Variants in SNX13 observed in about 807,000 individuals in gnomAD.
The protein encoded by SNX13 is sorting nexin 13, also known as sorting nexin-13.
Under a neutral mutation model 133.6 loss-of-function variants are expected in SNX13, and 45 were observed. The observed-to-expected ratio is 0.34, with a 90% CI of 0.27 to 0.43. SNX13 has a LOEUF of 0.43. Ranked by LOEUF, SNX13 falls within the 20% of genes least tolerant of loss-of-function variation. The probability of loss-of-function intolerance (pLI) is 1.00; values close to 1 mark genes in which losing one functional copy is unlikely to be tolerated. For missense variants in SNX13, 1,032 were observed against 1,145.1 expected (o/e 0.90, Z 1.43); for synonymous variants, 414 against 373.9 (o/e 1.11, Z -1.24).
At chr7:17,874,287 C>CA (rs200750838) in intron 7 of SNX13, among the ~76,000 whole-genome samples, 2,274 of 151,902 alleles carry the variant, frequency 0.015, 59 homozygotes, top group African/African-American at 0.053. Context: ...CTAGAAATAT[C>CA]AAAAAAATTC....
intron 8 of SNX13, among the ~76,000 whole-genome samples, chr7:17,869,993 A>C (rs1390400993): frequency 6.6e-6 from 1 of 152,138 alleles, no homozygotes; most frequent in Middle Eastern, 3.2e-3. Flanking sequence ...TGGTGCAATG[A>C]GTCGATTTGT....
intron 21 of SNX13, among the ~76,000 whole-genome samples, chr7:17,801,865 T>G (rs1189177081): frequency 1.3e-5 from 2 of 152,018 alleles, no homozygotes; most frequent in Admixed American, 6.6e-5. Flanking sequence ...ACAAAATAAA[T>G]GACTTTTGAG....
At chr7:17,936,507 C>T (rs1211339475) in intron 1 of SNX13, among the ~76,000 whole-genome samples, 1 of 152,146 alleles carries the variant, frequency 6.6e-6, no homozygotes, top group Non-Finnish European at 1.5e-5. Context: ...TTTTTTAAAA[C>T]ACAGGACAAG....
intron 1 of SNX13, among the ~76,000 whole-genome samples, chr7:17,935,123 T>C (rs1056096116): frequency 2.0e-5 from 3 of 152,098 alleles, no homozygotes; most frequent in African/African-American, 7.2e-5. Context: ...TCAACCTAAG[T>C]GTCCATCAAT....
intron 7 of SNX13, among the ~76,000 whole-genome samples, chr7:17,874,344 CTA>C (rs1225101838): frequency 6.6e-6 from 1 of 152,078 alleles, no homozygotes; most frequent in Non-Finnish European, 1.5e-5. Context: ...AGATACTAGT[CTA>C]TGTGTTAATC....
At chr7:17,858,818 G>C (rs1371605637) in intron 9 of SNX13, among the ~76,000 whole-genome samples, 2 of 152,010 alleles carry the variant, frequency 1.3e-5, no homozygotes, top group African/African-American at 2.4e-5. Flanking sequence ...AAACATATTA[G>C]AGCAAACTGA....
intron 2 of SNX13, among the ~76,000 whole-genome samples, chr7:17,897,031 A>G (rs1400579856): frequency 2.0e-5 from 3 of 152,266 alleles, no homozygotes; most frequent in African/African-American, 7.2e-5. Context: ...TTTCAACTTT[A>G]AAGGAGAAAC....
At chr7:17,814,173 GC>G (rs1562684799) in intron 20 of SNX13, among the ~76,000 whole-genome samples, 3 of 152,146 alleles carry the variant, frequency 2.0e-5, no homozygotes, top group East Asian at 1.9e-4. Context: ...ACAGAATATT[GC>G]ATGATTCACA....
intron 22 of SNX13, among the ~76,000 whole-genome samples, chr7:17,801,311 G>C (rs1326727689): frequency 4.0e-5 from 6 of 151,560 alleles, no homozygotes; most frequent in Non-Finnish European, 4.4e-5. Flanking sequence ...TATATACAAA[G>C]TATAAAAGCA....
At chr7:17,829,070 C>T (rs1294191828) in intron 16 of SNX13, among the ~76,000 whole-genome samples, 1 of 151,486 alleles carries the variant, frequency 6.6e-6, no homozygotes, top group East Asian at 1.9e-4. Context: ...CACAGATTTG[C>T]TTTAGTGTTT....
At chr7:17,839,358 T>C (rs1789587738) in intron 13 of SNX13, among the ~76,000 whole-genome samples, 1 of 151,764 alleles carries the variant, frequency 6.6e-6, no homozygotes, top group African/African-American at 2.4e-5. Flanking sequence ...TATTGAAGTC[T>C]CCAACTATAA....
At chr7:17,904,640 A>C (rs2128008934) in intron 1 of SNX13, among the ~76,000 whole-genome samples, 1 of 152,268 alleles carries the variant, frequency 6.6e-6, no homozygotes, top group East Asian at 1.9e-4. Context: ...ACTTATATTC[A>C]CCTGGTATAT....
At position 17,801,022 on chromosome 7, in the gene SNX13, A is replaced by T. The variant is rs1175460472; in HGVS notation, c.2298+566T>A. 9.3e-3 allele frequency among the ~76,000 whole-genome samples: 131 copies of T among 14,100 alleles called. 1 individual carries two copies. The highest frequency in any genetic ancestry group is 0.022 in the African/African-American group (122 of 5,454). The allele number at this position is 14,100 out of a possible 152,430, so 9.3% of individuals were successfully genotyped here. A position where few individuals can be genotyped will look rare whatever the true frequency, so the allele number is the denominator to read the frequency against. The stretch of plus-strand genomic sequence containing the variant: ...ACTAAAACTGAACATATATATATAT[A>T]TATATATATATATATATATATATAT... On this transcript the variant is annotated intron_variant, in intron 22 of 25. Coordinates refer to ENST00000428135, the MANE Select transcript of SNX13 (RefSeq NM_015132.5).
At chr7:17,934,297 A>G (rs530164535) in intron 1 of SNX13, among the ~76,000 whole-genome samples, 1 of 152,310 alleles carries the variant, frequency 6.6e-6, no homozygotes, top group African/African-American at 2.4e-5. Flanking sequence ...TGAAACCACA[A>G]AATTTCAAAG....
chr7:17,923,033 A>G (rs888579132), intron 1 of SNX13, among the ~76,000 whole-genome samples: 2 of 152,242 alleles, frequency 1.3e-5, no homozygotes, highest in Non-Finnish European at 2.9e-5. Context: ...GATAGCACAT[A>G]CCACTTTTCT....
chr7:17,919,513 T>C (rs375769265), intron 1 of SNX13, among the ~76,000 whole-genome samples: 4 of 152,190 alleles, frequency 2.6e-5, no homozygotes, highest in Non-Finnish European at 4.4e-5. Flanking sequence ...TCACCTACCA[T>C]AGCCAAAGAA....
At chr7:17,869,601 T>C (rs1436938221) in intron 8 of SNX13, among the ~76,000 whole-genome samples, 2 of 152,144 alleles carry the variant, frequency 1.3e-5, no homozygotes, top group Admixed American at 1.3e-4. Context: ...AAGTCTCTTT[T>C]GTAAGCTGTA....
At chr7:17,907,607 T>G (rs1333406151) in intron 1 of SNX13, among the ~76,000 whole-genome samples, 1 of 152,064 alleles carries the variant, frequency 6.6e-6, no homozygotes, top group East Asian at 1.9e-4. Context: ...TAAAACTGAG[T>G]AGGCAGCAAC....
chr7:17,912,851 T>G (rs1799141288), intron 1 of SNX13, among the ~76,000 whole-genome samples: 1 of 152,054 alleles, frequency 6.6e-6, no homozygotes, highest in Non-Finnish European at 1.5e-5. Context: ...ACCCTCACAG[T>G]CAGAATTGAG....
Sources: allele counts gnomAD v4.1 joint callset (sites outside exome capture counted in the v4.1 genomes callset), GRCh38; gene constraint gnomAD v4.1.1; transcripts MANE v1.5; gene names NCBI Gene and HGNC (gene_info 2026-07-23, HGNC 2026-07-21).